Variants in ANKRD1 observed in about 807,000 individuals in gnomAD.
ANKRD1 encodes ankyrin repeat domain-containing protein 1.
ANKRD1 carries 32 observed loss-of-function variants against 40.1 expected under a neutral mutation model. The observed-to-expected ratio is 0.80, with a 90% CI of 0.60 to 1.07. ANKRD1 has a LOEUF of 1.07. Ranked by LOEUF, ANKRD1 falls within the 50% of genes least tolerant of loss-of-function variation. The pLI is 0.00. For synonymous variants in ANKRD1, 149 were observed against 141.2 expected (o/e 1.06, Z -0.39); for missense variants, 359 against 386.0 (o/e 0.93, Z 0.59).
rs114144205 is a variant in ANKRD1 at position 90,921,061 on chromosome 10, G to A, written c.-34C>T. Reference sequence around the variant, plus strand: ...AAGGAGTCTTGTATGTTTTTCTGTCGTGGAAGGAATCCCTGGAGTTGGCCC... The same window carrying A: ...AAGGAGTCTTGTATGTTTTTCTGTCATGGAAGGAATCCCTGGAGTTGGCCC... On this transcript the variant is annotated 5_prime_UTR_variant, in exon 1 of 9. It adds an upstream start codon to the 5' untranslated region. Coordinates refer to ENST00000371697, the MANE Select transcript of ANKRD1 (RefSeq NM_014391.3). 9.8e-4 allele frequency: 1,576 copies of A among 1,612,728 alleles called. 8 individuals are homozygous for A. The African/African-American group carries it at 0.016, about 16-fold the overall frequency.
rs542984358 is a variant in ANKRD1, at chr10:90,912,811, G to T, written c.*55C>A. ...TTATGGCTAGTGTCTCTTCTCTTGGGCCATGCCTTCAAAATGCCAGTGAAC... is the reference window on the plus strand; with the variant it reads ...TTATGGCTAGTGTCTCTTCTCTTGGTCCATGCCTTCAAAATGCCAGTGAAC... On this transcript the variant is annotated 3_prime_UTR_variant, in exon 9 of 9. Transcript: ENST00000371697. 45 of 1,476,618 alleles carry T rather than the reference G, an allele frequency of 3.0e-5. No homozygotes were observed. Among genetic ancestry groups the T allele is most frequent in the Non-Finnish European group, 3.0e-5 (32 of 1,055,076 alleles). 91.5% of individuals were successfully genotyped at this position (1,476,618 alleles called of 1,614,324 possible).
Position 90,915,550 on chromosome 10 carries a change from TTGA to T in ANKRD1, c.839_841del (p.Ile280del). 2 of 1,613,828 alleles carry T rather than the reference TTGA, an allele frequency of 1.2e-6. No individual in the cohort carries two copies. Among genetic ancestry groups the T allele is most frequent in the Non-Finnish European group, 1.7e-6 (2 of 1,179,778 alleles). Reference sequence around the variant, plus strand: ...CTTGTTTCCAGTACTTACACAGTTCTTGATGTTGAGATCCGCGCCATACATAAT... The same window carrying T: ...CTTGTTTCCAGTACTTACACAGTTCTTGTTGAGATCCGCGCCATACATAAT... On this transcript the variant is annotated inframe_deletion, in exon 8 of 9. Transcript: ENST00000371697.
intron 8 of ANKRD1, among the ~76,000 whole-genome samples, chr10:90,914,259 C>T (rs980494904): frequency 6.6e-6 from 1 of 152,072 alleles, no homozygotes; most frequent in Non-Finnish European, 1.5e-5. Context: ...TTCCATAAAC[C>T]TGATGCTAAT....
Position 90,915,836 on chromosome 10 carries a change from A to T in ANKRD1, c.696T>A (p.Tyr232Ter). ...ALHVAVRTGHYECAEHLIACE... is the reference protein window; with the variant it reads ...ALHVAVRTGH Reference sequence around the variant, plus strand: ...AGGCGATAAGATGCTCCGCGCACTCATAGTGGCCAGTCCTCACCGCCACAT... The same window carrying T: ...AGGCGATAAGATGCTCCGCGCACTCTTAGTGGCCAGTCCTCACCGCCACAT... The change falls in exon 7 of 9, where the codon TAT (tyrosine) becomes TAA (stop). Residue 232 changes from tyrosine to a stop codon, truncating the protein, a stop_gained. Transcript: ENST00000371697. LOFTEE classifies it high-confidence loss of function. 1 of 1,613,558 alleles carries T rather than the reference A, an allele frequency of 6.2e-7. No homozygotes were observed. Among genetic ancestry groups the T allele is most frequent in the Non-Finnish European group, 8.5e-7 (1 of 1,179,922 alleles).
intron 8 of ANKRD1, among the ~76,000 whole-genome samples, chr10:90,913,759 CTGTTT>C (rs1847341398): frequency 6.6e-6 from 1 of 152,130 alleles, no homozygotes; most frequent in African/African-American, 2.4e-5. Flanking sequence ...GAATAGAGAC[CTGTTT>C]TGTTTTGACC....
rs1589510859 is a variant in ANKRD1, at chr10:90,920,288, C to A, written c.88G>T (p.Asp30Tyr). The A allele has an allele frequency of 6.2e-7, 1 of 1,614,096 alleles. No homozygotes were observed. Among genetic ancestry groups the A allele is most frequent in the African/African-American group, 1.3e-5 (1 of 74,944 alleles). Residue 30 changes from aspartate to tyrosine, a missense_variant, in exon 2 of 9, where the codon GAT becomes TAT. Asp to Tyr is a radical substitution (Grantham distance 160). Transcript: ENST00000371697. The stretch of plus-strand genomic sequence containing the variant: ...GTAACAGCAGCTTCATACTCTCCAT[C>A]TCTGAAATCCTCAGGAAGGAATTCC... ...AGEFLPEDFR[D>Y]GEYEAAVTLE...
chr10:90,915,940 C>T, intron 6 of ANKRD1, 60 bp from the exon 7 acceptor site: 5 of 1,550,722 alleles, frequency 3.2e-6, no homozygotes, highest in Non-Finnish European at 4.4e-6. Flanking sequence ...TGTCCCAGAC[C>T]CCAAGACATG....
In ANKRD1 at chr10:90,912,739, T is replaced by C; in HGVS notation, c.*127A>G. 1 of 921,564 alleles carries C rather than the reference T, an allele frequency of 1.1e-6. No homozygotes were observed. 57.1% of individuals were successfully genotyped at this position (921,564 alleles called of 1,614,324 possible). A position where few individuals can be genotyped will look rare whatever the true frequency, so the allele number is the denominator to read the frequency against. ...CTATAACCCTGTGCTTTCTCAAAAC[T>C]TCATTAGGTACATCTTCACAACACG... On this transcript the variant is annotated 3_prime_UTR_variant, in exon 9 of 9. Transcript: ENST00000371697.
chr10:90,915,556 T>G lies in ANKRD1; in HGVS notation c.836A>C (p.Asn279Thr). 1 of 1,614,000 alleles carries G rather than the reference T, an allele frequency of 6.2e-7. No homozygotes were observed. Among genetic ancestry groups the G allele is most frequent in the Non-Finnish European group, 8.5e-7 (1 of 1,179,918 alleles). ...TCCAGTACTTACACAGTTCTTGATG[T>G]TGAGATCCGCGCCATACATAATCAG... is the stretch of plus-strand genomic sequence containing the variant. Reference protein sequence around the residue: ...RLLIMYGADLNIKNCAGKTPM... With the variant: ...RLLIMYGADLTIKNCAGKTPM... The change falls in exon 8 of 9, where the codon AAC becomes ACC. Residue 279 changes from asparagine to threonine, a missense_variant. Coordinates refer to ENST00000371697, the MANE Select transcript of ANKRD1 (RefSeq NM_014391.3).
rs1358424179 is a variant in ANKRD1 at position 90,912,805 on chromosome 10, T to G, written c.*61A>C. ...TAGATTTTATGGCTAGTGTCTCTTC[T>G]CTTGGGCCATGCCTTCAAAATGCCA... On this transcript the variant is annotated 3_prime_UTR_variant, in exon 9 of 9. Coordinates refer to ENST00000371697, the MANE Select transcript of ANKRD1 (RefSeq NM_014391.3). 6.9e-7 allele frequency: 1 copy of G among 1,454,434 alleles called. No homozygotes were observed. The highest frequency in any genetic ancestry group is 9.7e-7 in the Non-Finnish European group (1 of 1,034,914). The allele number at this position is 1,454,434 out of a possible 1,614,324, so 90.1% of individuals were successfully genotyped here.
chr10:90,918,784 C>T (rs1331459804), intron 4 of ANKRD1, 81 bp downstream of exon 4: 69 of 1,175,306 alleles, frequency 5.9e-5, no homozygotes, highest in Non-Finnish European at 8.2e-5. Context: ...GACTTTGGCA[C>T]TATATTAGCA....
In ANKRD1 at chr10:90,912,636, A is replaced by T; in HGVS notation, c.*230T>A. 1 of 460,854 alleles carries T rather than the reference A, an allele frequency of 2.2e-6. No homozygotes were observed. The highest frequency in any genetic ancestry group is 3.3e-5 in the Admixed American group (1 of 30,196). The allele number at this position is 460,854 out of a possible 1,614,324, so 28.5% of individuals were successfully genotyped here. On this transcript the variant is annotated 3_prime_UTR_variant, in exon 9 of 9. Coordinates refer to ENST00000371697, the MANE Select transcript of ANKRD1 (RefSeq NM_014391.3). The stretch of plus-strand genomic sequence containing the variant: ...GATGGATGATCATGAAGGTCTGAAT[A>T]TCAGTAGCGTGGCAGTAAATAAATA...
chr10:90,915,545 AGTTCTTGAT>A lies in ANKRD1; in HGVS notation c.838_846del (p.Ile280_Asn282del). The A allele has an allele frequency of 6.2e-7, 1 of 1,613,502 alleles. No individual in the cohort carries two copies. The highest frequency in any genetic ancestry group is 1.7e-5 in the Admixed American group (1 of 60,018). ...TGTTTCTTGTTTCCAGTACTTACAC[AGTTCTTGAT>A]GTTGAGATCCGCGCCATACATAATC... is the stretch of plus-strand genomic sequence containing the variant. On this transcript the variant is annotated inframe_deletion, in exon 8 of 9. Coordinates refer to ENST00000371697, the MANE Select transcript of ANKRD1 (RefSeq NM_014391.3).
At chr10:90,916,093 A>C in intron 6 of ANKRD1, 78 bp downstream of exon 6, 6 of 545,634 alleles carry the variant, frequency 1.1e-5, no homozygotes, top group Non-Finnish European at 1.2e-5. Context: ...GGGAGGGGGA[A>C]GAGTGGGAGA....
intron 4 of ANKRD1, 69 bp from the exon 5 acceptor site, chr10:90,917,899 C>G: frequency 7.7e-7 from 1 of 1,303,754 alleles, no homozygotes; most frequent in Non-Finnish European, 1.1e-6. Flanking sequence ...CTTTTAAGAG[C>G]TATGAAGCTG....
intron 8 of ANKRD1, among the ~76,000 whole-genome samples, chr10:90,913,852 T>G (rs1192467985): frequency 6.6e-6 from 1 of 152,158 alleles, no homozygotes; most frequent in East Asian, 1.9e-4. Context: ...TTGTGACTTC[T>G]ATGAAAAAAT....
intron 1 of ANKRD1, among the ~76,000 whole-genome samples, 158 bp downstream of exon 1, chr10:90,920,843 T>A (rs1359704960): frequency 1.3e-5 from 2 of 152,196 alleles, no homozygotes; most frequent in African/African-American, 4.8e-5. Flanking sequence ...CCATTTTTTT[T>A]TTCCAATTTC....
chr10:90,916,316 G>A, intron 5 of ANKRD1, 47 bp from the exon 6 acceptor site: 1 of 1,438,064 alleles, frequency 7.0e-7, no homozygotes, highest in Non-Finnish European at 9.8e-7. Flanking sequence ...AATGTGGTCT[G>A]GGGAATTAGA....
At chr10:90,918,345 A>G (rs1396048805) in intron 4 of ANKRD1, among the ~76,000 whole-genome samples, 1 of 152,198 alleles carries the variant, frequency 6.6e-6, no homozygotes, top group African/African-American at 2.4e-5. Context: ...GAATGGGCTA[A>G]TGAACTATTA....
Sources: gnomAD v4.1 joint callset for allele counts (sites outside exome capture counted in the v4.1 genomes callset) on GRCh38, gnomAD v4.1.1 for gene constraint, MANE v1.5 for transcripts, NCBI Gene and HGNC (gene_info 2026-07-23, HGNC 2026-07-21) for gene names.